KCNQ1: variants seen among roughly 807,000 people sequenced by gnomAD.
The protein encoded by KCNQ1 is potassium voltage-gated channel subfamily Q member 1, also known as potassium voltage-gated channel subfamily KQT member 1.
Under a neutral mutation model 72.4 loss-of-function variants are expected in KCNQ1, and 49 were observed. The ratio of observed to expected loss-of-function variants is 0.68; its 90% confidence interval spans 0.54 to 0.86. The LOEUF (loss-of-function observed/expected upper bound fraction) is 0.86, where lower values mean the gene tolerates loss of function less well. KCNQ1 is among the 40% of genes least tolerant of loss of function. The pLI is 0.00. For missense variants in KCNQ1, 790 were observed against 945.1 expected (o/e 0.84, Z 2.15); for synonymous variants, 450 against 412.6 (o/e 1.09, Z -1.10).
At chr11:2,791,785 T>TCGCCG (rs199870336) in intron 15 of KCNQ1, among the ~76,000 whole-genome samples, 53,062 of 151,622 alleles carry the variant, frequency 0.35, 9,614 homozygotes, top group East Asian at 0.54. Flanking sequence ...GCCCAGGTCC[T>TCGCCG]CGCCGCGCCG....
intron 11 of KCNQ1, among the ~76,000 whole-genome samples, chr11:2,732,778 G>A (rs963349787): frequency 6.6e-6 from 1 of 152,160 alleles, no homozygotes; most frequent in Non-Finnish European, 1.5e-5. Flanking sequence ...GGCCGCCACC[G>A]AGGCCTCGCC....
At chr11:2,576,130 G>C (rs1309736151) in intron 6 of KCNQ1, among the ~76,000 whole-genome samples, 1 of 152,212 alleles carries the variant, frequency 6.6e-6, no homozygotes, top group Non-Finnish European at 1.5e-5. Flanking sequence ...ATCGCATTCT[G>C]TGGGTCCAGG....
At chr11:2,640,112 T>G (rs1849549087) in intron 10 of KCNQ1, 1 of 293,508 alleles carries the variant, frequency 3.4e-6, no homozygotes, top group Non-Finnish European at 6.2e-6. Context: ...TGTCACCCCT[T>G]CCGTTGGCTA....
At chr11:2,749,969 AAAAAT>A (rs1296878926) in intron 11 of KCNQ1, among the ~76,000 whole-genome samples, 2 of 152,120 alleles carry the variant, frequency 1.3e-5, no homozygotes, top group Admixed American at 6.5e-5. Context: ...CCAAAAAAAA[AAAAAT>A]AAAAAGTACA....
intron 11 of KCNQ1, among the ~76,000 whole-genome samples, chr11:2,763,900 G>A (rs750721522): frequency 9.2e-5 from 14 of 151,966 alleles, no homozygotes; most frequent in Admixed American, 5.2e-4. Context: ...TAAAACCGGC[G>A]TTCTTGTTAA....
Position 2,750,129 on chromosome 11 carries a change from AC to A in KCNQ1, c.1515-18711del, listed in dbSNP as rs1846204888. 6.6e-6 allele frequency among the ~76,000 whole-genome samples: 1 copy of A among 152,062 alleles called. No homozygotes were observed. Among genetic ancestry groups the A allele is most frequent in the Admixed American group, 6.6e-5 (1 of 15,260 alleles). On this transcript the variant is annotated intron_variant, in intron 11 of 15. Transcript: ENST00000155840. This position sits in a 1 kb window ranked among gnomAD's most constrained non-coding sequence, Gnocchi z 6.3. Reference sequence around the variant, plus strand: ...GTGAAGCTGGGGAGAGACCTGCGCAACCCCACCTGAGTGAGGCACTGTGGGC... The same window carrying A: ...GTGAAGCTGGGGAGAGACCTGCGCAACCCACCTGAGTGAGGCACTGTGGGC...
At chr11:2,793,384 C>G (rs2134011877) in intron 15 of KCNQ1, among the ~76,000 whole-genome samples, 1 of 99,858 alleles carries the variant, frequency 1.0e-5, no homozygotes, top group African/African-American at 3.8e-5. Context: ...CTTTAGGAGG[C>G]CAAGACGGGG....
intron 11 of KCNQ1, chr11:2,684,913 T>C (rs1850457908): frequency 2.5e-6 from 1 of 398,542 alleles, no homozygotes; most frequent in Non-Finnish European, 4.4e-6. Flanking sequence ...GTAGGTAAGT[T>C]TGTGTCCCTG....
rs1206304806 is a variant in KCNQ1 at position 2,698,654 on chromosome 11, C to CT, written c.1514+36575dup. ...AGACCTCTAACCCCAATCCCAATCT[C>CT]TTAACTCAGAGCCCCCCATTCAGAA... On this transcript the variant is annotated intron_variant, in intron 11 of 15. Transcript: ENST00000155840. This position sits in a 1 kb window ranked among gnomAD's most constrained non-coding sequence, Gnocchi z 5.1. 2.5e-6 allele frequency: 1 copy of CT among 398,612 alleles called. No homozygotes were observed. The highest frequency in any genetic ancestry group is 4.4e-5 in the Admixed American group (1 of 22,704). The allele number at this position is 398,612 out of a possible 1,614,324, so 24.7% of individuals were successfully genotyped here. A position where few individuals can be genotyped will look rare whatever the true frequency, so the allele number is the denominator to read the frequency against.
Position 2,603,956 on chromosome 11 carries a change from G to A in KCNQ1, c.1393+15102G>A, listed in dbSNP as rs1412011545. Among the ~76,000 whole-genome samples the A allele has an allele frequency of 6.6e-6, 1 of 152,076 alleles. No homozygotes were observed. The highest frequency in any genetic ancestry group is 1.9e-4 in the East Asian group (1 of 5,152). On this transcript the variant is annotated intron_variant, in intron 10 of 15. Transcript: ENST00000155840. This position sits in a 1 kb window ranked among gnomAD's most constrained non-coding sequence, Gnocchi z 4.1. ...TCCGCCCACCTCGGCCTCCTAACCT[G>A]CTGGGACCACAGGCGTGAGCCACTG...
In KCNQ1 at chr11:2,621,035, T is replaced by C; in HGVS notation, c.1393+32181T>C. On this transcript the variant is annotated intron_variant, in intron 10 of 15. Transcript: ENST00000155840. This position sits in a 1 kb window ranked among gnomAD's most constrained non-coding sequence, Gnocchi z 5.7. ...CTCTGTCTCCCAGGCTGGAGTGCAG[T>C]GGCGCAATCTCGGCTCACTGCAACC... 1 of 397,308 alleles carries C rather than the reference T, an allele frequency of 2.5e-6. No individual in the cohort carries two copies. The highest frequency in any genetic ancestry group is 3.6e-5 in the East Asian group (1 of 28,052). 24.6% of individuals were successfully genotyped at this position (397,308 alleles called of 1,614,324 possible). A position where few individuals can be genotyped will look rare whatever the true frequency, so the allele number is the denominator to read the frequency against.
intron 11 of KCNQ1, chr11:2,666,091 C>G (rs1850061922): frequency 5.0e-6 from 2 of 398,596 alleles, no homozygotes; most frequent in African/African-American, 4.1e-5. Context: ...ATGGCTCTGC[C>G]CAGCCCAGTC....
At chr11:2,496,218 C>T (rs931735578) in intron 1 of KCNQ1, among the ~76,000 whole-genome samples, 12 of 151,950 alleles carry the variant, frequency 7.9e-5, no homozygotes, top group African/African-American at 1.5e-4. Flanking sequence ...GGTTGGATCA[C>T]GAGATCAGGA....
In KCNQ1 at chr11:2,595,586, A is replaced by C. The variant is rs1848722753; in HGVS notation, c.1393+6732A>C. 6.6e-6 allele frequency among the ~76,000 whole-genome samples: 1 copy of C among 152,208 alleles called. No individual in the cohort carries two copies. The highest frequency in any genetic ancestry group is 6.5e-5 in the Admixed American group (1 of 15,280). On this transcript the variant is annotated intron_variant, in intron 10 of 15. Coordinates refer to ENST00000155840, the MANE Select transcript of KCNQ1 (RefSeq NM_000218.3). This position sits in a 1 kb window ranked among gnomAD's most constrained non-coding sequence, Gnocchi z 5.0. ...ATCTGTTGACAACATGGTTTACTGA[A>C]TATGTTGAGCCCATTTTCGAGACCT... is the stretch of plus-strand genomic sequence containing the variant.
rs779997280 is a variant in KCNQ1 at position 2,824,119 on chromosome 11, C to T, written c.1795-23648C>T. ...ACACACCGTCACACACACCCATATT[C>T]GACACACACATTCACACAAACACAC... On this transcript the variant is annotated intron_variant, in intron 15 of 15. Transcript: ENST00000155840. The surrounding 1 kb of genome is among the most constrained non-coding windows in gnomAD (Gnocchi z 5.9). 2.0e-5 allele frequency among the ~76,000 whole-genome samples: 3 copies of T among 152,066 alleles called. No individual in the cohort carries two copies. The highest frequency in any genetic ancestry group is 2.9e-5 in the Non-Finnish European group (2 of 68,016).
At chr11:2,584,820 G>A (rs184862802) in intron 7 of KCNQ1, among the ~76,000 whole-genome samples, 78 of 152,218 alleles carry the variant, frequency 5.1e-4, no homozygotes, top group Admixed American at 4.4e-3. Context: ...CCCATCAACC[G>A]TCCTTGGGCG....
chr11:2,700,966 G>T (rs956870709), intron 11 of KCNQ1, among the ~76,000 whole-genome samples: 6 of 152,260 alleles, frequency 3.9e-5, no homozygotes, highest in African/African-American at 1.4e-4. Flanking sequence ...GCTGGGGGCC[G>T]TTTGGCCCTT....
chr11:2,577,100 G>A (rs919464095), intron 6 of KCNQ1, among the ~76,000 whole-genome samples: 22 of 152,364 alleles, frequency 1.4e-4, no homozygotes, highest in Admixed American at 2.6e-4. Context: ...CCTCTGCTGC[G>A]GAGACTTTCC....
At chr11:2,778,833 G>A (rs1564890323) in intron 15 of KCNQ1, among the ~76,000 whole-genome samples, 1 of 152,190 alleles carries the variant, frequency 6.6e-6, no homozygotes, top group Admixed American at 6.5e-5. Context: ...CCCTGGCAAC[G>A]CCTGGCTCTG....
Sources: gnomAD v4.1 joint callset for allele counts (sites outside exome capture counted in the v4.1 genomes callset) on GRCh38, gnomAD v4.1.1 for gene constraint, Gnocchi (gnomAD v3.1) non-coding constraint, MANE v1.5 for transcripts, NCBI Gene and HGNC (gene_info 2026-07-23, HGNC 2026-07-21) for gene names.